Variants in CSMD1 observed in about 807,000 individuals in gnomAD.
The protein encoded by CSMD1 is CUB and sushi domain-containing protein 1.
In CSMD1, 213 loss-of-function variants were observed where a neutral mutation model predicts 417.5. The ratio of observed to expected loss-of-function variants is 0.51; its 90% CI spans 0.46 to 0.57. The LOEUF is 0.57. CSMD1 is among the 20% of genes least tolerant of loss of function. The pLI, the probability that CSMD1 is intolerant of heterozygous loss-of-function variation, is 0.00. For missense variants in CSMD1, 6,923 were observed against 4,529.7 expected (o/e 1.53, Z -15.17); for synonymous variants, 2,862 against 1,736.8 (o/e 1.65, Z -16.11).
intron 1 of CSMD1, among the ~76,000 whole-genome samples, chr8:4,653,218 A>T (rs1804021226): frequency 6.6e-6 from 1 of 152,094 alleles, no homozygotes; most frequent in Non-Finnish European, 1.5e-5. Flanking sequence ...GATAAAGCAA[A>T]TGACTTTTCA....
chr8:3,316,652 A>T (rs150756762), intron 23 of CSMD1, among the ~76,000 whole-genome samples: 38 of 152,240 alleles, frequency 2.5e-4, no homozygotes, highest in African/African-American at 7.9e-4. Flanking sequence ...TTACAGGAAC[A>T]TTTGTATATG....
chr8:3,249,543 A>G (rs1800120047), intron 26 of CSMD1, among the ~76,000 whole-genome samples: 1 of 152,178 alleles, frequency 6.6e-6, no homozygotes, highest in African/African-American at 2.4e-5. Flanking sequence ...TAAGAAAATA[A>G]AAGCAAGTAA....
intron 3 of CSMD1, among the ~76,000 whole-genome samples, chr8:4,154,780 C>G (rs1796745356): frequency 6.6e-6 from 1 of 151,934 alleles, no homozygotes; most frequent in African/African-American, 2.4e-5. Context: ...TCACTGATCA[C>G]AGAGAAAATA....
intron 25 of CSMD1, among the ~76,000 whole-genome samples, chr8:3,291,280 A>G (rs1803537262): frequency 6.6e-6 from 1 of 152,076 alleles, no homozygotes; most frequent in Non-Finnish European, 1.5e-5. Flanking sequence ...ATTGGTCTAA[A>G]ATTCTCTTTT....
intron 5 of CSMD1, among the ~76,000 whole-genome samples, chr8:3,897,760 G>C (rs531995126): frequency 1.1e-4 from 17 of 152,248 alleles, no homozygotes; most frequent in African/African-American, 3.9e-4. Flanking sequence ...GAAACATTCT[G>C]TGATATCATT....
chr8:4,401,429 A>G (rs1804636505), intron 3 of CSMD1, among the ~76,000 whole-genome samples: 2 of 152,146 alleles, frequency 1.3e-5, no homozygotes, highest in African/African-American at 4.8e-5. Flanking sequence ...TATTATTTGG[A>G]CATGTTTTAA....
chr8:4,037,077 A>G (rs180730723), intron 3 of CSMD1, among the ~76,000 whole-genome samples: 19 of 152,264 alleles, frequency 1.2e-4, no homozygotes, highest in East Asian at 1.2e-3. Flanking sequence ...CTGGCCACCC[A>G]CAACCCAAAA....
At position 3,040,387 on chromosome 8, in the gene CSMD1, AATATATATAT is replaced by A. The variant is rs35722761; in HGVS notation, c.7661-10884_7661-10875del. 6.7e-3 allele frequency among the ~76,000 whole-genome samples: 928 copies of A among 137,536 alleles called. 8 individuals are homozygous for A. The highest frequency in any genetic ancestry group is 0.021 in the African/African-American group (813 of 38,262). 90.2% of individuals were successfully genotyped at this position (137,536 alleles called of 152,430 possible). ...GGTGTAGATAGCATATACACATTGA[AATATATATAT>A]ATATATATATATATATAACAGAAAT... On this transcript the variant is annotated intron_variant, in intron 50 of 69. Coordinates refer to ENST00000635120, the MANE Select transcript of CSMD1 (RefSeq NM_033225.6).
chr8:3,919,579 C>G (rs753579532), intron 5 of CSMD1, among the ~76,000 whole-genome samples: 1 of 152,182 alleles, frequency 6.6e-6, no homozygotes, highest in Non-Finnish European at 1.5e-5. Flanking sequence ...ATGCCTTCAG[C>G]TGTGTTATTC....
intron 1 of CSMD1, among the ~76,000 whole-genome samples, chr8:4,762,279 G>T (rs1041157089): frequency 1.3e-5 from 2 of 151,948 alleles, no homozygotes; most frequent in Admixed American, 6.6e-5. Context: ...GTGGTTTACG[G>T]GTAATTGGGG....
At chr8:3,491,951 G>A (rs930924956) in intron 11 of CSMD1, among the ~76,000 whole-genome samples, 7 of 152,172 alleles carry the variant, frequency 4.6e-5, no homozygotes, top group African/African-American at 1.7e-4. Context: ...CTTGCTCACA[G>A]CCCAGAGGTC....
At chr8:3,695,257 T>C (rs1800486797) in intron 7 of CSMD1, among the ~76,000 whole-genome samples, 1 of 152,168 alleles carries the variant, frequency 6.6e-6, no homozygotes, top group South Asian at 2.1e-4. Context: ...TGGGCAAGGA[T>C]ATTAATCCAT....
chr8:3,630,059 G>C (rs982118142), intron 7 of CSMD1, among the ~76,000 whole-genome samples: 13 of 84,030 alleles, frequency 1.5e-4, no homozygotes, highest in Admixed American at 5.8e-4. Context: ...TTCTACATTA[G>C]AGATCAAAAT....
intron 27 of CSMD1, among the ~76,000 whole-genome samples, chr8:3,224,404 C>A (rs936811972): frequency 1.3e-5 from 2 of 152,198 alleles, no homozygotes. Flanking sequence ...GTTTCTGGAT[C>A]TGAACAAGTG....
chr8:3,919,872 TTTCATTCTTTTTAATGACA>T (rs1354938776), intron 5 of CSMD1, among the ~76,000 whole-genome samples: 1 of 152,130 alleles, frequency 6.6e-6, no homozygotes, highest in Non-Finnish European at 1.5e-5. Flanking sequence ...TCCCCAAGTA[TTTCATTCTTTTTAATGACA>T]TTCAAAATGA....
Position 4,826,577 on chromosome 8 carries a change from T to A in CSMD1, c.85+167755A>T, listed in dbSNP as rs115811382. 3.6e-3 allele frequency among the ~76,000 whole-genome samples: 550 copies of A among 152,288 alleles called. 3 individuals are homozygous for A. The highest frequency in any genetic ancestry group is 0.013 in the African/African-American group (529 of 41,568). On this transcript the variant is annotated intron_variant, in intron 1 of 69. Coordinates refer to ENST00000635120, the MANE Select transcript of CSMD1 (RefSeq NM_033225.6). ...AGTGACCAAGTTAGCGTAGTTGGGA[T>A]GTCCACCTTAAACAACTGATGGAAG...
chr8:2,946,181 G>C (rs1463795420), intron 68 of CSMD1, among the ~76,000 whole-genome samples: 1 of 152,090 alleles, frequency 6.6e-6, no homozygotes, highest in Non-Finnish European at 1.5e-5. Context: ...TAATCTTATG[G>C]GGTCACTGGT....
intron 12 of CSMD1, among the ~76,000 whole-genome samples, chr8:3,420,762 C>T (rs907943428): frequency 5.9e-4 from 90 of 152,258 alleles, no homozygotes; most frequent in African/African-American, 1.9e-3. Flanking sequence ...AATACTAAGA[C>T]TTTGAACATT....
chr8:3,858,855 A>G (rs1383729554), intron 5 of CSMD1, among the ~76,000 whole-genome samples: 1 of 152,160 alleles, frequency 6.6e-6, no homozygotes, highest in Non-Finnish European at 1.5e-5. Context: ...GTTTCTGTAG[A>G]ATGCTCCAGT....
Sources: gnomAD v4.1 joint callset for allele counts (sites outside exome capture counted in the v4.1 genomes callset) on GRCh38, gnomAD v4.1.1 for gene constraint, MANE v1.5 for transcripts, NCBI Gene and HGNC (gene_info 2026-07-23, HGNC 2026-07-21) for gene names.